The following NR3C1 variants were observed in gnomAD, a reference collection of about 807,000 sequenced individuals.
The protein encoded by NR3C1 is nuclear receptor subfamily 3 group C member 1, also known as glucocorticoid receptor.
NR3C1 carries 14 observed loss-of-function variants against 74.0 expected under a neutral mutation model. The observed-to-expected ratio is 0.19, with a 90% CI of 0.12 to 0.30. The LOEUF is 0.30. Among genes scored for constraint, NR3C1 ranks in the 10% least tolerant of loss-of-function variants. NR3C1 has a pLI of 1.00. For synonymous variants in NR3C1, 308 were observed against 332.5 expected (o/e 0.93, Z 0.80); for missense variants, 695 against 909.8 (o/e 0.76, Z 3.04).
intron 2 of NR3C1, among the ~76,000 whole-genome samples, chr5:143,389,026 C>G (rs1600505794): frequency 6.6e-6 from 1 of 152,164 alleles, no homozygotes; most frequent in Non-Finnish European, 1.5e-5. Context: ...CTTGTTGCCC[C>G]TTTTCTTATT....
At chr5:143,420,197 A>T (rs193134519) in intron 1 of NR3C1, among the ~76,000 whole-genome samples, 1 of 152,310 alleles carries the variant, frequency 6.6e-6, no homozygotes, top group East Asian at 1.9e-4. Flanking sequence ...CAATTTGTGC[A>T]GTTAACACAA....
intron 2 of NR3C1, among the ~76,000 whole-genome samples, chr5:143,341,564 CAAGA>C (rs1828228487): frequency 6.6e-6 from 1 of 152,200 alleles, no homozygotes; most frequent in Non-Finnish European, 1.5e-5. Context: ...CTTTCAAACA[CAAGA>C]AGAGAAGTCT....
intron 1 of NR3C1, among the ~76,000 whole-genome samples, chr5:143,411,193 G>C (rs1357683087): frequency 6.6e-6 from 1 of 152,132 alleles, no homozygotes; most frequent in Non-Finnish European, 1.5e-5. Context: ...AATCAACCAT[G>C]GTGGAGTACC....
intron 1 of NR3C1, among the ~76,000 whole-genome samples, chr5:143,414,463 G>T (rs970940076): frequency 6.6e-6 from 1 of 152,154 alleles, no homozygotes; most frequent in Non-Finnish European, 1.5e-5. Context: ...AGCTCCATAG[G>T]CCTGATGGGT....
At chr5:143,422,492 T>C (rs751376486) in intron 1 of NR3C1, among the ~76,000 whole-genome samples, 48 of 152,138 alleles carry the variant, frequency 3.2e-4, no homozygotes, top group Non-Finnish European at 6.2e-4. Context: ...CCTAACCCCA[T>C]GGTGATGGCA....
chr5:143,388,395 C>A (rs1163979797), intron 2 of NR3C1, among the ~76,000 whole-genome samples: 1 of 152,094 alleles, frequency 6.6e-6, no homozygotes, highest in Admixed American at 6.5e-5. Context: ...TCCTATATAT[C>A]TTTTTGGTTT....
rs1395108315 is a variant in NR3C1, at chr5:143,400,168, C to A, written c.672G>T (p.Leu224Phe). 6.2e-7 allele frequency: 1 copy of A among 1,614,088 alleles called. No homozygotes were observed. Among genetic ancestry groups the A allele is most frequent in the South Asian group, 1.1e-5 (1 of 91,078 alleles). The stretch of plus-strand genomic sequence containing the variant: ...CGTCTTCTCCCGCCAGAGGAGAAAG[C>A]AAACAGTTTTCATCTATCAACAGGT... The part of the protein sequence containing the change: ...RSDLLIDENC[L>F]LSPLAGEDDS... The change falls in exon 2 of 9, where the codon TTG becomes TTT. Residue 224 changes from leucine to phenylalanine, a missense_variant. This residue lies in a region of NR3C1 where 497 missense variants were observed against 489.5 expected (regional missense o/e 1.02). Coordinates refer to ENST00000394464, the MANE Select transcript of NR3C1 (RefSeq NM_000176.3).
chr5:143,400,021 C>G lies in NR3C1; in HGVS notation c.819G>C (p.Leu273=). The G allele has an allele frequency of 6.2e-7, 1 of 1,614,202 alleles. No individual in the cohort carries two copies. The highest frequency in any genetic ancestry group is 2.2e-5 in the East Asian group (1 of 44,886). ...LVLSSPSNVT[L]PQVKTEKEDF... The stretch of plus-strand genomic sequence containing the variant: ...CTTCTTTTTCTGTTTTCACTTGGGG[C>G]AGTGTTACATTACTGGGGCTTGACA... The change falls in exon 2 of 9, where the codon CTG becomes CTC. Residue 273 remains leucine (L), a synonymous_variant. Coordinates refer to ENST00000394464, the MANE Select transcript of NR3C1 (RefSeq NM_000176.3).
At chr5:143,306,143 T>C (rs1819548094) in intron 4 of NR3C1, among the ~76,000 whole-genome samples, 1 of 152,158 alleles carries the variant, frequency 6.6e-6, no homozygotes, top group Admixed American at 6.5e-5. Flanking sequence ...AAATCTTATC[T>C]GTTCTTAAAT....
intron 2 of NR3C1, among the ~76,000 whole-genome samples, chr5:143,368,919 C>G (rs1253162084): frequency 2.0e-5 from 3 of 152,262 alleles, no homozygotes; most frequent in East Asian, 3.9e-4. Context: ...CCCAAGGTGA[C>G]ACAGGGCAGC....
At chr5:143,327,153 G>C (rs1021655654) in intron 2 of NR3C1, among the ~76,000 whole-genome samples, 55 of 152,108 alleles carry the variant, frequency 3.6e-4, no homozygotes, top group Non-Finnish European at 1.5e-5. Flanking sequence ...TGCATGGCTG[G>C]GGAGGCCTCA....
intron 7 of NR3C1, among the ~76,000 whole-genome samples, chr5:143,293,057 C>A (rs1178733794): frequency 6.6e-6 from 1 of 152,178 alleles, no homozygotes; most frequent in Non-Finnish European, 1.5e-5. Flanking sequence ...TTAGATCCAT[C>A]CACTGCCTTT....
At chr5:143,326,979 A>G (rs924104667) in intron 2 of NR3C1, among the ~76,000 whole-genome samples, 1 of 152,250 alleles carries the variant, frequency 6.6e-6, no homozygotes, top group African/African-American at 2.4e-5. Flanking sequence ...TATACATTCA[A>G]TTTGACTACA....
upstream of NR3C1, among the ~76,000 whole-genome samples, chr5:143,405,768 C>G (rs1489632241): frequency 6.6e-6 from 1 of 152,140 alleles, no homozygotes; most frequent in Non-Finnish European, 1.5e-5. Context: ...AACAAAACCC[C>G]CTTCTGGACC....
intron 2 of NR3C1, among the ~76,000 whole-genome samples, chr5:143,386,470 T>C (rs1426904857): frequency 6.6e-6 from 1 of 152,180 alleles, no homozygotes; most frequent in Non-Finnish European, 1.5e-5. Context: ...CAGGGTGTAC[T>C]TGTTAGGTGA....
upstream of NR3C1, chr5:143,404,220 C>A (rs1840888470): frequency 2.0e-6 from 2 of 985,308 alleles, no homozygotes; most frequent in African/African-American, 3.5e-5. Context: ...GCCGCCGGGC[C>A]GAGTTGCGTG....
intron 2 of NR3C1, among the ~76,000 whole-genome samples, chr5:143,368,532 G>GAT (rs1949517209): frequency 1.6e-5 from 2 of 128,644 alleles, no homozygotes; most frequent in South Asian, 5.5e-4. Context: ...ATATATTCTA[G>GAT]ATACACACAC....
At position 143,400,661 on chromosome 5, in the gene NR3C1, C is replaced by T. The variant is rs1329822283; in HGVS notation, c.179G>A (p.Arg60Lys). Residue 60 changes from arginine to lysine, a missense_variant, in exon 2 of 9, where the codon AGA (arginine) becomes AAA (lysine). Transcript: ENST00000394464. The stretch of plus-strand genomic sequence containing the variant: ...GCCTTTTGGAAAATCAACCAAAAGT[C>T]TTCGCTGCTTGGAGTCTGATTGAGA... Reference protein sequence around the residue: ...VASQSDSKQRRLLVDFPKGSV... With the variant: ...VASQSDSKQRKLLVDFPKGSV... 6 of 1,613,896 alleles carry T rather than the reference C, an allele frequency of 3.7e-6. No homozygotes were observed. Among genetic ancestry groups the T allele is most frequent in the Non-Finnish European group, 5.1e-6 (6 of 1,179,888 alleles).
At chr5:143,345,010 C>A (rs1459138265) in intron 2 of NR3C1, among the ~76,000 whole-genome samples, 1 of 152,162 alleles carries the variant, frequency 6.6e-6, no homozygotes, top group African/African-American at 2.4e-5. Context: ...TCGCTTTCCT[C>A]CCACATCCCG....
Sources: gnomAD v4.1 joint callset for allele counts (sites outside exome capture counted in the v4.1 genomes callset) on GRCh38, gnomAD v4.1.1 for gene constraint, gnomAD v4.1.1 regional missense constraint, MANE v1.5 for transcripts, NCBI Gene and HGNC (gene_info 2026-07-23, HGNC 2026-07-21) for gene names.